The following TAOK1 variants were observed in gnomAD, a reference collection of about 807,000 sequenced individuals.
TAOK1 encodes the protein serine/threonine-protein kinase TAO1.
A neutral mutation model predicts 138.3 loss-of-function variants in TAOK1; 21 were observed. That is an observed-to-expected ratio of 0.15 (90% confidence interval 0.11 to 0.22). The LOEUF is 0.22. TAOK1 is among the 10% of genes least tolerant of loss of function. The probability of loss-of-function intolerance (pLI) is 1.00; values close to 1 mark genes in which losing one functional copy is unlikely to be tolerated. For missense variants in TAOK1, 651 were observed against 1,227.7 expected (o/e 0.53, Z 7.02); for synonymous variants, 361 against 398.4 (o/e 0.91, Z 1.12).
At chr17:29,481,196 CTT>C (rs35861778) in intron 7 of TAOK1, among the ~76,000 whole-genome samples, 25 of 142,774 alleles carry the variant, frequency 1.8e-4, no homozygotes, top group East Asian at 4.1e-4. Context: ...AAAAATTAGA[CTT>C]TTTTTTTTTT....
chr17:29,422,940 A>G (rs751790421), intron 1 of TAOK1, among the ~76,000 whole-genome samples: 1 of 152,074 alleles, frequency 6.6e-6, no homozygotes, highest in Non-Finnish European at 1.5e-5. Context: ...CATGAGAATC[A>G]CTTCAATCTG....
intron 1 of TAOK1, chr17:29,403,920 C>T (rs1350127919): frequency 6.6e-6 from 1 of 151,966 alleles, no homozygotes; most frequent in Non-Finnish European, 1.5e-5. Context: ...TTTTTTAATT[C>T]TCTAGAAAAG....
intron 1 of TAOK1, among the ~76,000 whole-genome samples, chr17:29,416,835 A>G (rs1295165939): frequency 6.6e-6 from 1 of 152,056 alleles, no homozygotes; most frequent in African/African-American, 2.4e-5. Context: ...TTATTCTTTT[A>G]TATCTTTTAG....
At chr17:29,478,109 T>C in intron 5 of TAOK1, 142 bp from the exon 6 acceptor site, 2 of 571,916 alleles carry the variant, frequency 3.5e-6, no homozygotes, top group Non-Finnish European at 5.9e-6. Context: ...ATACAAGTTA[T>C]AAAGTTTAAT....
intron 17 of TAOK1, among the ~76,000 whole-genome samples, chr17:29,528,968 C>CTTTT (rs377040359): frequency 3.9e-5 from 5 of 126,944 alleles, no homozygotes; most frequent in Non-Finnish European, 5.0e-5. Flanking sequence ...GCTTTTATAT[C>CTTTT]TTTTTTTTTT....
At chr17:29,423,158 CT>C (rs35494186) in intron 1 of TAOK1, among the ~76,000 whole-genome samples, 58,384 of 120,488 alleles carry the variant, frequency 0.48, 15,356 homozygotes, top group East Asian at 0.73. Context: ...TTTGCTCTTC[CT>C]TTTTTTTTTT....
At chr17:29,450,850 T>C (rs896286000) in intron 1 of TAOK1, among the ~76,000 whole-genome samples, 4 of 152,172 alleles carry the variant, frequency 2.6e-5, no homozygotes, top group Admixed American at 1.3e-4. Flanking sequence ...TAATCTGATA[T>C]AAAGGAATTG....
At chr17:29,535,251 C>T (rs983427759) in intron 19 of TAOK1, among the ~76,000 whole-genome samples, 25 of 152,040 alleles carry the variant, frequency 1.6e-4, no homozygotes, top group African/African-American at 6.0e-4. Context: ...GTTGAGGCTT[C>T]AGTAAGCCAT....
At chr17:29,519,890 T>C (rs1451872226) in intron 16 of TAOK1, among the ~76,000 whole-genome samples, 3 of 152,178 alleles carry the variant, frequency 2.0e-5, no homozygotes. Flanking sequence ...ACAGTATACA[T>C]AGATATTTAT....
At chr17:29,533,486 A>G (rs1382981662) in intron 18 of TAOK1, among the ~76,000 whole-genome samples, 1 of 151,102 alleles carries the variant, frequency 6.6e-6, no homozygotes, top group Non-Finnish European at 1.5e-5. Flanking sequence ...AGGCCAAGGC[A>G]GGCGGCTGGG....
intron 1 of TAOK1, 114 bp downstream of exon 1, chr17:29,391,138 A>C (rs1904411975): frequency 6.6e-6 from 1 of 152,336 alleles, no homozygotes; most frequent in Admixed American, 6.6e-5. Context: ...GGAGGGAGAA[A>C]AGGAGGGTCT....
At chr17:29,526,206 C>T (rs1227636200) in intron 17 of TAOK1, among the ~76,000 whole-genome samples, 3 of 151,718 alleles carry the variant, frequency 2.0e-5, no homozygotes, top group East Asian at 1.9e-4. Flanking sequence ...ACCCGGAAGG[C>T]GGAGGAAGGT....
At chr17:29,398,971 G>A (rs1904750031) in intron 1 of TAOK1, among the ~76,000 whole-genome samples, 1 of 151,070 alleles carries the variant, frequency 6.6e-6, no homozygotes, top group African/African-American at 2.4e-5. Context: ...ATGTTTATGA[G>A]TACATTGAGA....
chr17:29,395,509 C>A (rs911959238), intron 1 of TAOK1, among the ~76,000 whole-genome samples: 2 of 151,920 alleles, frequency 1.3e-5, no homozygotes, highest in Non-Finnish European at 2.9e-5. Flanking sequence ...ACAGCCTGGG[C>A]GGCAGAACAA....
At chr17:29,489,127 G>A (rs1352202932) in intron 8 of TAOK1, among the ~76,000 whole-genome samples, 2 of 152,144 alleles carry the variant, frequency 1.3e-5, no homozygotes, top group African/African-American at 4.8e-5. Context: ...CTTCTTTACA[G>A]GAAATATACA....
At chr17:29,455,085 A>G (rs1038340833) in intron 2 of TAOK1, among the ~76,000 whole-genome samples, 1 of 151,780 alleles carries the variant, frequency 6.6e-6, no homozygotes, top group Non-Finnish European at 1.5e-5. Context: ...TAATTTTTGT[A>G]TTTTTAGTAG....
In TAOK1 at chr17:29,456,247, C is replaced by G. The variant is rs1041914097; in HGVS notation, c.132+4567C>G. 3.1e-4 allele frequency among the ~76,000 whole-genome samples: 47 copies of G among 149,948 alleles called. 2 individuals carry two copies. The highest frequency in any genetic ancestry group is 9.9e-4 in the Admixed American group (15 of 15,200). On this transcript the variant is annotated intron_variant, in intron 2 of 19. Transcript: ENST00000261716. ...CCTGTAGTCCCAGCTACTCGGGGAA[C>G]TGAGGCATGAGAATCGCTTGAACCC...
chr17:29,542,475 C>A, intron 19 of TAOK1, 86 bp from the exon 20 acceptor site: 1 of 1,250,796 alleles, frequency 8.0e-7, no homozygotes, highest in Non-Finnish European at 1.1e-6. Flanking sequence ...AAAATAACCA[C>A]TTCAAAGCTG....
intron 7 of TAOK1, among the ~76,000 whole-genome samples, chr17:29,480,861 C>A (rs1188832087): frequency 2.5e-5 from 1 of 40,186 alleles, no homozygotes; most frequent in Non-Finnish European, 4.0e-5. Flanking sequence ...CAGAGTGAGA[C>A]CCTGTCTCTC....
Sources: allele counts gnomAD v4.1 joint callset (sites outside exome capture counted in the v4.1 genomes callset), GRCh38; gene constraint gnomAD v4.1.1; transcripts MANE v1.5; gene names NCBI Gene and HGNC (gene_info 2026-07-23, HGNC 2026-07-21).